ZNF425: variants seen among roughly 807,000 people sequenced by gnomAD.
ZNF425 encodes zinc finger protein 425.
Under a neutral mutation model 17.0 loss-of-function variants are expected in ZNF425, and 21 were observed. That is an observed-to-expected ratio of 1.23 (90% CI 0.88 to 1.78). The LOEUF is 1.78. ZNF425 is among the 40% of genes most tolerant of loss of function. ZNF425 has a pLI of 0.00. For missense variants in ZNF425, 868 were observed against 967.3 expected (o/e 0.90, Z 1.36); for synonymous variants, 433 against 384.1 (o/e 1.13, Z -1.49).
chr7:149,113,629 G>A (rs958041688), intron 2 of ZNF425, among the ~76,000 whole-genome samples: 3 of 148,076 alleles, frequency 2.0e-5, no homozygotes, highest in Admixed American at 6.9e-5. Context: ...TCAGCTTACT[G>A]GCAGCTCCAC....
intron 2 of ZNF425, among the ~76,000 whole-genome samples, chr7:149,117,111 A>C (rs1484242978): frequency 2.0e-5 from 3 of 152,004 alleles, no homozygotes; most frequent in African/African-American, 7.3e-5. Flanking sequence ...AAATGCAAAA[A>C]AAAATTAGCC....
At chr7:149,117,496 C>A (rs1294537335) in intron 2 of ZNF425, among the ~76,000 whole-genome samples, 5 of 151,974 alleles carry the variant, frequency 3.3e-5, no homozygotes. Flanking sequence ...ATCACTCTGT[C>A]CCCTTCATGA....
Position 149,105,530 on chromosome 7 carries a change from C to CA in ZNF425, c.340dup (p.Cys114LeufsTer43). Reference sequence around the variant, plus strand: ...CTGTTTTTGAGGACCATTTAAACGGCAATCCTCTTCTTTTGTCCTGGGAGT... The same window carrying CA: ...CTGTTTTTGAGGACCATTTAAACGGCAAATCCTCTTCTTTTGTCCTGGGAGT... On this transcript the variant is annotated frameshift_variant, in exon 4 of 4. Transcript: ENST00000378061. LOFTEE classifies it low-confidence loss of function (END_TRUNC). 1 of 1,515,898 alleles carries CA rather than the reference C, an allele frequency of 6.6e-7. No homozygotes were observed. The highest frequency in any genetic ancestry group is 1.4e-5 in the African/African-American group (1 of 71,740). 93.9% of individuals were successfully genotyped at this position (1,515,898 alleles called of 1,614,324 possible).
chr7:149,109,587 T>C (rs568366916), intron 3 of ZNF425, among the ~76,000 whole-genome samples: 3 of 152,200 alleles, frequency 2.0e-5, no homozygotes, highest in Admixed American at 6.6e-5. Flanking sequence ...TAGGGATTAC[T>C]TAATATTTTA....
intron 3 of ZNF425, among the ~76,000 whole-genome samples, chr7:149,108,923 C>T (rs752300380): frequency 6.6e-6 from 1 of 151,990 alleles, no homozygotes; most frequent in Non-Finnish European, 1.5e-5. Flanking sequence ...CAAGCTCCTC[C>T]CATTCTATAG....
chr7:149,114,225 A>AT (rs398006742), intron 2 of ZNF425, among the ~76,000 whole-genome samples: 11,088 of 82,368 alleles, frequency 0.13, 465 homozygotes, highest in East Asian at 0.22. Flanking sequence ...CGCCCAGCTA[A>AT]TTTTTTTTTT....
In ZNF425 at chr7:149,104,946, G is replaced by A. The variant is rs1826053913; in HGVS notation, c.925C>T (p.Arg309Trp). Reference sequence around the variant, plus strand: ...AGCTCGCACTGCTGCACGAAGGCCCGGCCGCACTCCCCGCAGCAGAACGGC... The same window carrying A: ...AGCTCGCACTGCTGCACGAAGGCCCAGCCGCACTCCCCGCAGCAGAACGGC... ...ERPFCCGECGRAFVQQCELTE... is the reference protein window; with the variant it reads ...ERPFCCGECGWAFVQQCELTE... The change falls in exon 4 of 4, where the codon CGG becomes TGG. Residue 309 changes from arginine to tryptophan, a missense_variant. By Grantham distance (101) the Arg-to-Trp change is moderately radical (BLOSUM62 -3). Around this residue, in one of 5 missense-constraint regions of ZNF425, gnomAD observed 243 missense variants for 265.2 expected, o/e 0.92. Transcript: ENST00000378061. This position sits in a 1 kb window ranked among gnomAD's most constrained non-coding sequence, Gnocchi z 4.3. 3.7e-6 allele frequency: 6 copies of A among 1,613,772 alleles called. No individual in the cohort carries two copies. Among genetic ancestry groups the A allele is most frequent in the South Asian group, 1.1e-5 (1 of 91,066 alleles).
At chr7:149,117,664 T>C (rs1826288219) in intron 2 of ZNF425, among the ~76,000 whole-genome samples, 1 of 140,230 alleles carries the variant, frequency 7.1e-6, no homozygotes, top group African/African-American at 2.7e-5. Flanking sequence ...TTTTTTTTTT[T>C]TTTTTTGAGA....
At chr7:149,116,704 A>G (rs1826271618) in intron 2 of ZNF425, among the ~76,000 whole-genome samples, 1 of 152,044 alleles carries the variant, frequency 6.6e-6, no homozygotes, top group African/African-American at 2.4e-5. Flanking sequence ...CCAACTCCTT[A>G]TCTTGTCCTT....
chr7:149,114,171 G>A (rs1826217247), intron 2 of ZNF425, among the ~76,000 whole-genome samples: 1 of 151,476 alleles, frequency 6.6e-6, no homozygotes, highest in Non-Finnish European at 1.5e-5. Context: ...CGATTCTCCT[G>A]CCTCAGCCTC....
At chr7:149,110,328 A>G (rs7792430) in intron 3 of ZNF425, among the ~76,000 whole-genome samples, 126,175 of 150,926 alleles carry the variant, frequency 0.84, 52,927 homozygotes, top group East Asian at 1. Flanking sequence ...CACTTTGGGA[A>G]GCCGAGGTGG....
At chr7:149,119,556 CA>C (rs1350184106) in intron 1 of ZNF425, among the ~76,000 whole-genome samples, 3 of 152,088 alleles carry the variant, frequency 2.0e-5, no homozygotes, top group Non-Finnish European at 4.4e-5. Context: ...CCACTGCAAT[CA>C]AAAAACACAA....
At chr7:149,107,104 C>CA (rs35268081) in intron 3 of ZNF425, among the ~76,000 whole-genome samples, 2,352 of 81,864 alleles carry the variant, frequency 0.029, 61 homozygotes, top group African/African-American at 0.076. Context: ...GAGACTGTCT[C>CA]AAAAAAAAAA....
intron 1 of ZNF425, chr7:149,125,609 G>A (rs1030620472): frequency 6.3e-6 from 1 of 158,288 alleles, no homozygotes; most frequent in Non-Finnish European, 1.4e-5. Context: ...CAGCGTTGTT[G>A]ATCTGAGCCT....
At chr7:149,112,503 C>T (rs1826190413) in intron 2 of ZNF425, 1 of 453,332 alleles carries the variant, frequency 2.2e-6, no homozygotes, top group Non-Finnish European at 3.9e-6. Context: ...CGTGGTAGCA[C>T]ACGCTTGTAA....
chr7:149,103,635 T>C lies in ZNF425; in HGVS notation c.2236A>G (p.Lys746Glu). Reference sequence around the variant, plus strand: ...ACCTAGAGGCTGGAGGGCTTCTCTTTGGCATGCACTGCAATGTGGGTCTTG... The same window carrying C: ...ACCTAGAGGCTGGAGGGCTTCTCTTCGGCATGCACTGCAATGTGGGTCTTG... ...ALKTHIAVHA[K>E]EKPSSL Residue 746 changes from lysine (K) to glutamate (E), a missense_variant, in exon 4 of 4, where the codon AAA becomes GAA. By Grantham distance (56) the Lys-to-Glu change is moderately conservative. Coordinates refer to ENST00000378061, the MANE Select transcript of ZNF425 (RefSeq NM_001001661.3). 2 of 1,608,212 alleles carry C rather than the reference T, an allele frequency of 1.2e-6. No individual in the cohort carries two copies. Among genetic ancestry groups the C allele is most frequent in the Non-Finnish European group, 8.5e-7 (1 of 1,177,882 alleles).
At chr7:149,125,041 G>A (rs1029937619) in intron 1 of ZNF425, among the ~76,000 whole-genome samples, 2 of 152,114 alleles carry the variant, frequency 1.3e-5, no homozygotes, top group African/African-American at 4.8e-5. Flanking sequence ...CCAGAACAGA[G>A]AGGAATATTC....
Position 149,112,126 on chromosome 7 carries a change from A to T in ZNF425, c.304+11T>A. On this transcript the variant is annotated intron_variant, in intron 3 of 3. Coordinates refer to ENST00000378061, the MANE Select transcript of ZNF425 (RefSeq NM_001001661.3). ...TAAAATAATTCATGATCTTAAATCC[A>T]TCTTACTCACCAAAACATAGCAACT... 2 of 1,610,744 alleles carry T rather than the reference A, an allele frequency of 1.2e-6. No individual in the cohort carries two copies. Among genetic ancestry groups the T allele is most frequent in the Non-Finnish European group, 1.7e-6 (2 of 1,178,488 alleles).
chr7:149,112,359 T>C (rs6464938), intron 2 of ZNF425, 64 bp from the exon 3 acceptor site: 1,384,703 of 1,512,820 alleles, frequency 0.92, 634,536 homozygotes, highest in East Asian at 1. Context: ...TTTGGCCGGG[T>C]GTGGTGGCTC....
Sources: allele counts gnomAD v4.1 joint callset (sites outside exome capture counted in the v4.1 genomes callset), GRCh38; gene constraint gnomAD v4.1.1; regional missense constraint gnomAD v4.1.1; non-coding constraint Gnocchi (gnomAD v3.1); transcripts MANE v1.5; gene names NCBI Gene and HGNC (gene_info 2026-07-23, HGNC 2026-07-21).